SGTB: variants seen among roughly 807,000 people sequenced by gnomAD.
The protein encoded by SGTB is small glutamine-rich tetratricopeptide repeat-containing protein beta.
SGTB carries 19 observed loss-of-function variants against 43.9 expected under a neutral mutation model. The ratio of observed to expected loss-of-function variants is 0.43; its 90% CI spans 0.30 to 0.63. The LOEUF is 0.63. Among genes scored for constraint, SGTB ranks in the 30% least tolerant of loss-of-function variants. The probability of loss-of-function intolerance (pLI) is 0.12; values close to 1 mark genes in which losing one functional copy is unlikely to be tolerated. For synonymous variants in SGTB, 116 were observed against 117.3 expected, an observed-to-expected ratio of 0.99 and a Z score of 0.07; for missense variants, 304 against 358.9, an observed-to-expected ratio of 0.85 and a Z score of 1.24.
At chr5:65,699,218 G>C (rs903727629) in intron 5 of SGTB, among the ~76,000 whole-genome samples, 1 of 152,166 alleles carries the variant, frequency 6.6e-6, no homozygotes, top group African/African-American at 2.4e-5. Flanking sequence ...AAAAGAACAA[G>C]ATAATGTCTT....
chr5:65,709,815 G>A (rs775826271), intron 3 of SGTB, among the ~76,000 whole-genome samples: 1 of 152,030 alleles, frequency 6.6e-6, no homozygotes, highest in Non-Finnish European at 1.5e-5. Context: ...TGCTCAGGAT[G>A]GTCTCAAACT....
upstream of SGTB, chr5:65,722,225 C>T (rs1006960728): frequency 4.7e-6 from 2 of 423,430 alleles, no homozygotes; most frequent in East Asian, 4.2e-5. Flanking sequence ...GTGGAGCTGC[C>T]GCACGTGGGA....
intron 5 of SGTB, among the ~76,000 whole-genome samples, chr5:65,688,092 A>G (rs1757533457): frequency 1.3e-5 from 2 of 152,196 alleles, no homozygotes; most frequent in South Asian, 4.1e-4. Context: ...TGGGATTACA[A>G]AACTGCTAAA....
At chr5:65,683,343 A>G (rs186805609) in intron 6 of SGTB, among the ~76,000 whole-genome samples, 5 of 152,338 alleles carry the variant, frequency 3.3e-5, no homozygotes, top group Admixed American at 3.3e-4. Flanking sequence ...CTAATTGTGC[A>G]TGTACATGAA....
chr5:65,704,031 G>A (rs1002495036), intron 5 of SGTB, among the ~76,000 whole-genome samples: 19 of 84,274 alleles, frequency 2.3e-4, no homozygotes, highest in South Asian at 8.4e-4. Flanking sequence ...GTGAGACTCC[G>A]TCTCAAAAAA....
intron 8 of SGTB, among the ~76,000 whole-genome samples, chr5:65,679,161 C>T (rs1757341384): frequency 6.6e-6 from 1 of 151,930 alleles, no homozygotes; most frequent in African/African-American, 2.4e-5. Context: ...AAAAACAACC[C>T]CATTATAAAG....
chr5:65,671,091 A>G (rs941981539), intron 10 of SGTB, among the ~76,000 whole-genome samples: 1 of 152,246 alleles, frequency 6.6e-6, no homozygotes, highest in Admixed American at 6.5e-5. Flanking sequence ...CCTGAACATT[A>G]AAGTATGTAA....
rs1314459310 is a variant in SGTB, at chr5:65,685,404, A to G, written c.443T>C (p.Ile148Thr). Residue 148 changes from isoleucine (I) to threonine (T), a missense_variant, in exon 6 of 11, where the codon ATT becomes ACT. Coordinates refer to ENST00000381007, the MANE Select transcript of SGTB (RefSeq NM_019072.3). ...ATAGGCCTTGCTGTACTTTGAATCA[A>G]TTGCTATTGCTTTTTCACAATCCTT... ...AIKDCEKAIA[I>T]DSKYSKAYGR... 2.5e-6 allele frequency: 4 copies of G among 1,614,066 alleles called. No individual in the cohort carries two copies. Among genetic ancestry groups the G allele is most frequent in the Non-Finnish European group, 3.4e-6 (4 of 1,180,026 alleles).
intron 5 of SGTB, among the ~76,000 whole-genome samples, chr5:65,701,535 C>A (rs980196375): frequency 6.6e-6 from 1 of 151,752 alleles, no homozygotes; most frequent in Non-Finnish European, 1.5e-5. Context: ...CATTAAAAGG[C>A]AAATAAGACA....
intron 5 of SGTB, among the ~76,000 whole-genome samples, chr5:65,686,768 G>T (rs1757507499): frequency 1.3e-5 from 2 of 152,134 alleles, no homozygotes; most frequent in African/African-American, 4.8e-5. Flanking sequence ...CAAGGACCTA[G>T]CTGGAATCTA....
At chr5:65,684,101 T>C (rs913828520) in intron 6 of SGTB, among the ~76,000 whole-genome samples, 1 of 151,980 alleles carries the variant, frequency 6.6e-6, no homozygotes, top group African/African-American at 2.4e-5. Context: ...TTTCTTTTTT[T>C]TGAGACAGGG....
At chr5:65,699,069 G>C (rs1757764413) in intron 5 of SGTB, among the ~76,000 whole-genome samples, 1 of 152,170 alleles carries the variant, frequency 6.6e-6, no homozygotes, top group African/African-American at 2.4e-5. Flanking sequence ...ATATCCAAAA[G>C]ACACCTGCAC....
At chr5:65,681,217 G>A (rs1757390240) in intron 6 of SGTB, among the ~76,000 whole-genome samples, 1 of 152,040 alleles carries the variant, frequency 6.6e-6, no homozygotes, top group East Asian at 1.9e-4. Flanking sequence ...TGGCCTACAT[G>A]CTTTCTTCTT....
chr5:65,689,523 T>C (rs1289051605), intron 5 of SGTB, among the ~76,000 whole-genome samples: 1 of 152,192 alleles, frequency 6.6e-6, no homozygotes, highest in Non-Finnish European at 1.5e-5. Flanking sequence ...AAACCAATTA[T>C]ATTGGTTTAT....
chr5:65,720,572 TA>T (rs1758247745), intron 2 of SGTB, 135 bp downstream of exon 2: 7 of 915,672 alleles, frequency 7.6e-6, no homozygotes, highest in Non-Finnish European at 9.4e-6. Context: ...ACGATAACCT[TA>T]TAGTCAGGCC....
intron 5 of SGTB, among the ~76,000 whole-genome samples, chr5:65,700,684 A>G (rs1487021919): frequency 1.2e-5 from 1 of 82,488 alleles, no homozygotes; most frequent in Non-Finnish European, 2.8e-5. Context: ...CTGTCTCCCA[A>G]AAAAAAAAAA....
intron 5 of SGTB, among the ~76,000 whole-genome samples, chr5:65,700,791 C>T (rs1757800418): frequency 6.6e-6 from 1 of 151,254 alleles, no homozygotes; most frequent in Admixed American, 6.6e-5. Flanking sequence ...AGGTAGATCA[C>T]TTGAGGTCAG....
chr5:65,678,932 G>C (rs1757335600), intron 8 of SGTB, among the ~76,000 whole-genome samples: 1 of 152,078 alleles, frequency 6.6e-6, no homozygotes, highest in Non-Finnish European at 1.5e-5. Context: ...ATAGACACAG[G>C]CAAAGATTTC....
intron 3 of SGTB, among the ~76,000 whole-genome samples, chr5:65,709,367 T>A (rs1429921937): frequency 1.3e-5 from 2 of 151,760 alleles, no homozygotes; most frequent in Non-Finnish European, 2.9e-5. Context: ...TTCTTGTATC[T>A]TTGCATATTG....
Sources: allele counts gnomAD v4.1 joint callset (sites outside exome capture counted in the v4.1 genomes callset), GRCh38; gene constraint gnomAD v4.1.1; transcripts MANE v1.5; gene names NCBI Gene and HGNC (gene_info 2026-07-23, HGNC 2026-07-21).